The following SON variants were observed in gnomAD, a reference collection of about 807,000 sequenced individuals.
SON encodes SON DNA and RNA binding protein.
Under a neutral mutation model 173.3 loss-of-function variants are expected in SON, and 4 were observed. That is an observed-to-expected ratio of 0.02 (90% confidence interval 0.01 to 0.05). SON has a LOEUF of 0.05. Among genes scored for constraint, SON ranks in the 10% least tolerant of loss-of-function variants. SON has a pLI of 1.00. For synonymous variants in SON, 1,190 were observed against 1,105.9 expected, an observed-to-expected ratio of 1.08 and a Z score of -1.51; for missense variants, 2,626 against 3,055.3, an observed-to-expected ratio of 0.86 and a Z score of 3.31.
intron 3 of SON, among the ~76,000 whole-genome samples, chr21:33,556,372 AGG>A (rs995217477): frequency 6.6e-5 from 10 of 152,184 alleles, no homozygotes; most frequent in African/African-American, 2.4e-4. Flanking sequence ...CAATGGGAAA[AGG>A]GGAAAAGGAA....
chr21:33,556,711 C>CAAAA lies in SON; in HGVS notation c.6161-431_6161-428dup, dbSNP rs375685900. ...CCTGGGCGACAGAGTGAGACTGTCT[C>CAAAA]AAAAAAAAAAAAAAAAAGAGGTGGC... On this transcript the variant is annotated intron_variant, in intron 3 of 11. Transcript: ENST00000356577. 1.1e-3 allele frequency among the ~76,000 whole-genome samples: 118 copies of CAAAA among 102,648 alleles called. 1 individual carries two copies. Among genetic ancestry groups the CAAAA allele is most frequent in the Middle Eastern group, 5.7e-3 (1 of 176 alleles). The allele number at this position is 102,648 out of a possible 152,430, so 67.3% of individuals were successfully genotyped here. A position where few individuals can be genotyped will look rare whatever the true frequency, so the allele number is the denominator to read the frequency against.
chr21:33,553,392 G>A lies in SON; in HGVS notation c.4161G>A (p.Ser1387=), dbSNP rs138515548. The A allele has an allele frequency of 1.3e-4, 206 of 1,613,520 alleles. No individual in the cohort carries two copies. The highest frequency in any genetic ancestry group is 1.6e-4 in the Non-Finnish European group (192 of 1,179,686). Residue 1387 remains serine, a synonymous_variant, in exon 3 of 12, where the codon TCG becomes TCA. Transcript: ENST00000356577. ...ESSTVTVLEP[S]VVTVPEPPVV... is the part of the protein sequence containing the mutation. Reference sequence around the variant, plus strand: ...CGACTGTAACTGTCCTGGAGCCTTCGGTTGTGACTGTCCCGGAGCCTCCTG... The same window carrying A: ...CGACTGTAACTGTCCTGGAGCCTTCAGTTGTGACTGTCCCGGAGCCTCCTG...
In SON at chr21:33,550,177, G is replaced by A. The variant is rs774753289; in HGVS notation, c.946G>A (p.Val316Met). The A allele has an allele frequency of 9.3e-6, 15 of 1,614,214 alleles. No individual in the cohort carries two copies. In the South Asian group the frequency reaches 1.5e-4, roughly 17 times the overall value. Residue 316 changes from valine (V) to methionine (M), a missense_variant, in exon 3 of 12, where the codon GTG becomes ATG. Val to Met is a conservative substitution (Grantham distance 21). This residue lies in a region of SON where 757 missense variants were observed against 730.1 expected (regional missense o/e 1.04). Transcript: ENST00000356577. ...LVVSSETPTEVYPEPSTSTTM... is the reference protein window; with the variant it reads ...LVVSSETPTEMYPEPSTSTTM... ...GGTATCATCAGAGACACCTACTGAG[G>A]TGTACCCTGAGCCAAGCACATCAAC...
Position 33,551,364 on chromosome 21 carries a change from A to G in SON, c.2133A>G (p.Pro711=), listed in dbSNP as rs748858990. ...TAGGAGTGGATCCCTTGATGGCCCC[A>G]GAATCCCATATATTAGCTTCTAACA... ...VTVGVDPLMA[P]ESHILASNTM... is the part of the protein sequence containing the mutation. Residue 711 remains proline, a synonymous_variant, in exon 3 of 12, where the codon CCA becomes CCG. Coordinates refer to ENST00000356577, the MANE Select transcript of SON (RefSeq NM_138927.4). The G allele has an allele frequency of 9.9e-6, 16 of 1,614,018 alleles. No individual in the cohort carries two copies. Among genetic ancestry groups the G allele is most frequent in the Non-Finnish European group, 1.4e-5 (16 of 1,179,996 alleles).
In SON at chr21:33,552,503, C is replaced by T; in HGVS notation, c.3272C>T (p.Ser1091Phe). 6.2e-7 allele frequency: 1 copy of T among 1,614,018 alleles called. No individual in the cohort carries two copies. Among genetic ancestry groups the T allele is most frequent in the Non-Finnish European group, 8.5e-7 (1 of 1,179,994 alleles). The change falls in exon 3 of 12, where the codon TCT (serine) becomes TTT (phenylalanine). Residue 1091 changes from serine (S) to phenylalanine (F), a missense_variant. Ser to Phe is a radical substitution (Grantham distance 155). This residue lies in a region of SON where 366 missense variants were observed against 448.6 expected (regional missense o/e 0.82). Coordinates refer to ENST00000356577, the MANE Select transcript of SON (RefSeq NM_138927.4). The surrounding 1 kb of genome is among the most constrained non-coding windows in gnomAD (Gnocchi z 5.6). The part of the protein sequence containing the change: ...RSMMSMGADR[S>F]MMSSYSAADR... Reference sequence around the variant, plus strand: ...ATGATGTCCATGGGTGCTGACCGGTCTATGATGTCGTCATACTCTGCTGCT... The same window carrying T: ...ATGATGTCCATGGGTGCTGACCGGTTTATGATGTCGTCATACTCTGCTGCT...
chr21:33,553,541 C>G lies in SON; in HGVS notation c.4310C>G (p.Ser1437Cys), dbSNP rs763943612. The G allele has an allele frequency of 6.2e-7, 1 of 1,614,160 alleles. No individual in the cohort carries two copies. The highest frequency in any genetic ancestry group is 1.7e-5 in the Admixed American group (1 of 60,030). The change falls in exon 3 of 12, where the codon TCT (serine) becomes TGT (cysteine). Residue 1437 changes from serine to cysteine, a missense_variant. Coordinates refer to ENST00000356577, the MANE Select transcript of SON (RefSeq NM_138927.4). ...LQPSMIVSEP[S>C]VSVQESTVTV... is the part of the protein sequence containing the mutation. The stretch of plus-strand genomic sequence containing the variant: ...CCTTCTATGATTGTTTCAGAACCAT[C>G]TGTTTCTGTCCAGGAATCGACTGTG...
rs780600976 is a variant in SON, at chr21:33,554,382, T to A, written c.5151T>A (p.Pro1717=). ...EVPPPPKETL[P]DSGFSANIED... The stretch of plus-strand genomic sequence containing the variant: ...CTCCCCCTCCTAAAGAGACACTGCC[T>A]GATTCAGGATTTTCTGCCAATATTG... The change falls in exon 3 of 12, where the codon CCT becomes CCA. Residue 1717 remains proline, a synonymous_variant. Coordinates refer to ENST00000356577, the MANE Select transcript of SON (RefSeq NM_138927.4). 5 of 1,614,208 alleles carry A rather than the reference T, an allele frequency of 3.1e-6. No homozygotes were observed. In the Admixed American group the frequency reaches 6.7e-5, roughly 22 times the overall value.
rs1343528366 is a variant in SON at position 33,549,526 on chromosome 21, C to T, written c.295C>T (p.Pro99Ser). ...TAGATGCGTATCTGTACAAACAGATCCTACTGATGAAATTCCCACTAAAAA... is the reference window on the plus strand; with the variant it reads ...TAGATGCGTATCTGTACAAACAGATTCTACTGATGAAATTCCCACTAAAAA... Reference protein sequence around the residue: ...KSRCVSVQTDPTDEIPTKKSK... With the variant: ...KSRCVSVQTDSTDEIPTKKSK... The change falls in exon 3 of 12, where the codon CCT becomes TCT. Residue 99 changes from proline (P) to serine (S), a missense_variant. Pro to Ser is a moderately conservative substitution (Grantham distance 74, BLOSUM62 -1). Coordinates refer to ENST00000356577, the MANE Select transcript of SON (RefSeq NM_138927.4). The T allele has an allele frequency of 1.3e-5, 20 of 1,575,218 alleles. No individual in the cohort carries two copies. Among genetic ancestry groups the T allele is most frequent in the Non-Finnish European group, 1.7e-5 (20 of 1,167,720 alleles).
chr21:33,569,465 A>G, intron 8 of SON: 1 of 335,704 alleles, frequency 3.0e-6, no homozygotes. Flanking sequence ...TCATCATGGG[A>G]TACTTTATTA....
In SON at chr21:33,553,711, C is replaced by G. The variant is rs779189159; in HGVS notation, c.4480C>G (p.Gln1494Glu). The part of the protein sequence containing the change: ...MKGINLSSGD[Q>E]NLAPEIGMQE... ...AGGAATTAATCTATCCTCTGGTGAT[C>G]AAAATCTTGCTCCAGAGATTGGCAT... Residue 1494 changes from glutamine (Q) to glutamate (E), a missense_variant, in exon 3 of 12, where the codon CAA (glutamine) becomes GAA (glutamate). This residue lies in a region of SON where 1,006 missense variants were observed against 895.6 expected (regional missense o/e 1.12). Coordinates refer to ENST00000356577, the MANE Select transcript of SON (RefSeq NM_138927.4). 1 of 1,613,922 alleles carries G rather than the reference C, an allele frequency of 6.2e-7. No individual in the cohort carries two copies. Among genetic ancestry groups the G allele is most frequent in the Non-Finnish European group, 8.5e-7 (1 of 1,179,962 alleles).
At chr21:33,545,336 A>AG (rs1343223410) in intron 1 of SON, among the ~76,000 whole-genome samples, 1 of 152,226 alleles carries the variant, frequency 6.6e-6, no homozygotes, top group African/African-American at 2.4e-5. Context: ...AATAATAATT[A>AG]GGTAACTACT....
rs764400023 is a variant in SON, at chr21:33,550,669, C to G, written c.1438C>G (p.Pro480Ala). ...PEPPVMAQELPGLPLVTAAVE... is the reference protein window; with the variant it reads ...PEPPVMAQELAGLPLVTAAVE... ...GCCACCTGTGATGGCACAGGAGTTG[C>G]CAGGGCTGCCTTTGGTGACAGCAGC... Residue 480 changes from proline (P) to alanine (A), a missense_variant, in exon 3 of 12, where the codon CCA (proline) becomes GCA (alanine). Transcript: ENST00000356577. 3 of 1,614,060 alleles carry G rather than the reference C, an allele frequency of 1.9e-6. No homozygotes were observed. Among genetic ancestry groups the G allele is most frequent in the Non-Finnish European group, 2.5e-6 (3 of 1,179,980 alleles).
intron 8 of SON, 192 bp from the exon 9 acceptor site, chr21:33,573,116 C>G (rs2145882739): frequency 2.2e-6 from 1 of 444,838 alleles, no homozygotes; most frequent in South Asian, 5.8e-5. Flanking sequence ...TTCCAAAATA[C>G]TATTACGTTA....
chr21:33,577,324 A>G lies in SON; in HGVS notation c.*900A>G, dbSNP rs1473865387. The G allele has an allele frequency of 6.6e-6, 1 of 152,654 alleles. No individual in the cohort carries two copies. Among genetic ancestry groups the G allele is most frequent in the Admixed American group, 6.5e-5 (1 of 15,280 alleles). The allele number at this position is 152,654 out of a possible 1,614,324, so 9.5% of individuals were successfully genotyped here. Reference sequence around the variant, plus strand: ...AACTTATCTAATAAAATTGGCAACCAGCCACTATTTTGTTGACTATGAGAA... The same window carrying G: ...AACTTATCTAATAAAATTGGCAACCGGCCACTATTTTGTTGACTATGAGAA... On this transcript the variant is annotated 3_prime_UTR_variant, in exon 12 of 12. Transcript: ENST00000356577.
rs2085842445 is a variant in SON at position 33,552,889 on chromosome 21, A to G, written c.3658A>G (p.Ile1220Val). The change falls in exon 3 of 12, where the codon ATT (isoleucine) becomes GTT (valine). Residue 1220 changes from isoleucine to valine, a missense_variant. Coordinates refer to ENST00000356577, the MANE Select transcript of SON (RefSeq NM_138927.4). This position sits in a 1 kb window ranked among gnomAD's most constrained non-coding sequence, Gnocchi z 5.6. ...QPEPPVSQSE[I>V]SEPSAVPTDY... ...TGAGCCTCCTGTGAGTCAAAGTGAGATTTCGGAGCCTTCAGCAGTGCCTAC... is the reference window on the plus strand; with the variant it reads ...TGAGCCTCCTGTGAGTCAAAGTGAGGTTTCGGAGCCTTCAGCAGTGCCTAC... The G allele has an allele frequency of 6.2e-7, 1 of 1,612,874 alleles. No individual in the cohort carries two copies. The highest frequency in any genetic ancestry group is 1.6e-4 in the Middle Eastern group (1 of 6,062).
At position 33,552,137 on chromosome 21, in the gene SON, C is replaced by T; in HGVS notation, c.2906C>T (p.Pro969Leu). Residue 969 changes from proline (P) to leucine (L), a missense_variant, in exon 3 of 12, where the codon CCC becomes CTC. Around this residue, in one of 13 missense-constraint regions of SON, gnomAD observed 366 missense variants for 448.6 expected, o/e 0.82. Transcript: ENST00000356577. The surrounding 1 kb of genome is among the most constrained non-coding windows in gnomAD (Gnocchi z 5.6). ...TPDPYRMSPRPYRIAPRSYRI... is the reference protein window; with the variant it reads ...TPDPYRMSPRLYRIAPRSYRI... The stretch of plus-strand genomic sequence containing the variant: ...GATCCCTATAGGATGTCACCTAGAC[C>T]CTACAGGATAGCACCCAGGTCCTAT... The T allele has an allele frequency of 1.2e-6, 2 of 1,614,062 alleles. No homozygotes were observed. The highest frequency in any genetic ancestry group is 1.7e-6 in the Non-Finnish European group (2 of 1,180,000).
chr21:33,564,200 C>T (rs983641861), intron 6 of SON, among the ~76,000 whole-genome samples: 2 of 152,110 alleles, frequency 1.3e-5, no homozygotes, highest in South Asian at 2.1e-4. Context: ...GAATATTAAA[C>T]GACAGTTAAG....
rs542369165 is a variant in SON at position 33,543,509 on chromosome 21, C to T, written c.77+340C>T. ...GGGACGGGCCTAGTTCCTTCCTCAGCTCCTCCTCCGCCGCCGCGTATCCCC... is the reference window on the plus strand; with the variant it reads ...GGGACGGGCCTAGTTCCTTCCTCAGTTCCTCCTCCGCCGCCGCGTATCCCC... On this transcript the variant is annotated intron_variant, in intron 1 of 11. Transcript: ENST00000356577. 1.4e-5 allele frequency: 4 copies of T among 290,228 alleles called. 1 individual carries two copies. The highest frequency in any genetic ancestry group is 1.2e-4 in the South Asian group (3 of 25,094). 18.0% of individuals were successfully genotyped at this position (290,228 alleles called of 1,614,324 possible). A position where few individuals can be genotyped will look rare whatever the true frequency, so the allele number is the denominator to read the frequency against.
intron 2 of SON, among the ~76,000 whole-genome samples, chr21:33,548,932 G>T (rs2085687522): frequency 6.6e-6 from 1 of 152,166 alleles, no homozygotes; most frequent in Non-Finnish European, 1.5e-5. Flanking sequence ...GTAATTCAAA[G>T]TAAGTTTTGG....
Sources: gnomAD v4.1 joint callset for allele counts (sites outside exome capture counted in the v4.1 genomes callset) on GRCh38, gnomAD v4.1.1 for gene constraint, gnomAD v4.1.1 regional missense constraint, Gnocchi (gnomAD v3.1) non-coding constraint, MANE v1.5 for transcripts, NCBI Gene and HGNC (gene_info 2026-07-23, HGNC 2026-07-21) for gene names.